The following SHANK2 variants were observed in gnomAD, a reference collection of about 807,000 sequenced individuals.
SHANK2 encodes the protein SH3 and multiple ankyrin repeat domains protein 2.
A neutral mutation model predicts 133.7 loss-of-function variants in SHANK2; 43 were observed. That is an observed-to-expected ratio of 0.32 (90% CI 0.25 to 0.41). The LOEUF (loss-of-function observed/expected upper bound fraction) is 0.41. Among genes scored for constraint, SHANK2 ranks in the 10% least tolerant of loss-of-function variants. The pLI is 1.00. For missense variants in SHANK2, 1,994 were observed against 2,235.8 expected (o/e 0.89, Z 2.18); for synonymous variants, 1,017 against 952.8 (o/e 1.07, Z -1.24).
intron 1 of SHANK2, among the ~76,000 whole-genome samples, chr11:71,236,695 G>C (rs1440213836): frequency 6.6e-6 from 1 of 152,196 alleles, no homozygotes; most frequent in Non-Finnish European, 1.5e-5. Context: ...AGTTTTACTG[G>C]AATACAGCTG....
At chr11:71,155,623 C>T (rs1952893395) in intron 2 of SHANK2, among the ~76,000 whole-genome samples, 1 of 152,138 alleles carries the variant, frequency 6.6e-6, no homozygotes, top group Non-Finnish European at 1.5e-5. Context: ...TCTAGCACCA[C>T]CTCTTCCAGC....
chr11:71,197,794 T>C (rs1953937833), intron 2 of SHANK2, among the ~76,000 whole-genome samples: 1 of 152,324 alleles, frequency 6.6e-6, no homozygotes, highest in East Asian at 1.9e-4. Context: ...GGGACTACAC[T>C]GGCAGGCATT....
At chr11:71,230,251 C>T (rs1005997254) in intron 1 of SHANK2, among the ~76,000 whole-genome samples, 1 of 152,084 alleles carries the variant, frequency 6.6e-6, no homozygotes, top group Non-Finnish European at 1.5e-5. Flanking sequence ...GATGCCACTG[C>T]ACTCCAGCCT....
chr11:71,087,019 A>G (rs1204972234), intron 8 of SHANK2, among the ~76,000 whole-genome samples: 1 of 152,202 alleles, frequency 6.6e-6, no homozygotes, highest in Non-Finnish European at 1.5e-5. Flanking sequence ...ACCCTGCTCC[A>G]CATTTTCTAA....
chr11:70,953,968 T>C (rs1458687914), intron 10 of SHANK2, among the ~76,000 whole-genome samples: 2 of 152,186 alleles, frequency 1.3e-5, no homozygotes, highest in Non-Finnish European at 2.9e-5. Flanking sequence ...GAGCCGTGTG[T>C]GTATGTGTGT....
chr11:70,486,847 G>A lies in SHANK2; in HGVS notation c.3446C>T (p.Thr1149Met), dbSNP rs1324144512. The A allele has an allele frequency of 2.4e-5, 38 of 1,612,628 alleles. No homozygotes were observed. Among genetic ancestry groups the A allele is most frequent in the Non-Finnish European group, 3.1e-5 (37 of 1,179,940 alleles). ...EQLSSPMPSA[T>M]PREPENHFVG... ...GAAATGGTTTTCGGGCTCCCTGGGC[G>A]TGGCACTCGGCATGGGGGATGACAG... is the stretch of plus-strand genomic sequence containing the variant. Residue 1149 changes from threonine to methionine, a missense_variant, in exon 25 of 26, where the codon ACG (threonine) becomes ATG (methionine). Physicochemically the swap from Thr to Met is moderately conservative, Grantham distance 81 (BLOSUM62 -1). Transcript: ENST00000601538. This position sits in a 1 kb window ranked among gnomAD's most constrained non-coding sequence, Gnocchi z 8.0.
chr11:71,090,263 CTGTGTGTGTG>C (rs1165771011), intron 8 of SHANK2, among the ~76,000 whole-genome samples: 6 of 36,816 alleles, frequency 1.6e-4, no homozygotes, highest in Non-Finnish European at 1.5e-4. Context: ...AACACAACCT[CTGTGTGTGTG>C]TGTGTGTGTG....
intron 2 of SHANK2, among the ~76,000 whole-genome samples, chr11:71,206,762 C>T (rs1267915296): frequency 8.5e-5 from 13 of 152,054 alleles, no homozygotes; most frequent in Admixed American, 5.2e-4. Flanking sequence ...TAGCAAGACG[C>T]GGCAACTACA....
intron 17 of SHANK2, among the ~76,000 whole-genome samples, chr11:70,581,097 T>A (rs911812399): frequency 6.6e-6 from 1 of 152,210 alleles, no homozygotes; most frequent in African/African-American, 2.4e-5. Context: ...GGACCAAGAA[T>A]AGATTAAGGT....
At chr11:70,672,568 G>A (rs1237824749) in intron 15 of SHANK2, among the ~76,000 whole-genome samples, 2 of 152,238 alleles carry the variant, frequency 1.3e-5, no homozygotes, top group Non-Finnish European at 2.9e-5. Flanking sequence ...GTCTCCCCGA[G>A]CCAGGCTGCT....
intron 8 of SHANK2, among the ~76,000 whole-genome samples, chr11:71,079,052 C>A (rs1292097432): frequency 2.6e-5 from 4 of 152,238 alleles, no homozygotes; most frequent in Non-Finnish European, 5.9e-5. Context: ...ACCCAACAGA[C>A]CCCACCTGAC....
Position 71,184,854 on chromosome 11 carries a change from G to C in SHANK2, c.-12-37516C>G, listed in dbSNP as rs115191285. ...TGAATAAGACCAAGCTGTTGACTGG[G>C]CCTGCACTGCCCAGAGGCCACCACT... On this transcript the variant is annotated intron_variant, in intron 2 of 25. Coordinates refer to ENST00000601538, the MANE Select transcript of SHANK2 (RefSeq NM_012309.5). 6.9e-3 allele frequency among the ~76,000 whole-genome samples: 1,058 copies of C among 152,274 alleles called. 12 individuals are homozygous for C. Among genetic ancestry groups the C allele is most frequent in the African/African-American group, 0.024 (1,008 of 41,544 alleles).
intron 11 of SHANK2, among the ~76,000 whole-genome samples, chr11:70,838,095 T>C (rs1247291590): frequency 2.0e-5 from 3 of 151,026 alleles, no homozygotes; most frequent in Admixed American, 1.3e-4. Flanking sequence ...ACTTGTATGG[T>C]GTTTGCCTCA....
chr11:70,844,136 C>T (rs556438909), intron 11 of SHANK2, among the ~76,000 whole-genome samples: 1 of 152,288 alleles, frequency 6.6e-6, no homozygotes, highest in South Asian at 2.1e-4. Context: ...GCCTGGCTTC[C>T]CCACATCTCT....
At chr11:70,734,168 T>A (rs891166439) in intron 14 of SHANK2, among the ~76,000 whole-genome samples, 5 of 151,162 alleles carry the variant, frequency 3.3e-5, no homozygotes, top group Admixed American at 3.3e-4. Flanking sequence ...CGGGAGGGAG[T>A]GCCGGGCAGC....
At chr11:71,190,941 T>C (rs942053376) in intron 2 of SHANK2, among the ~76,000 whole-genome samples, 3 of 151,014 alleles carry the variant, frequency 2.0e-5, no homozygotes, top group Non-Finnish European at 3.0e-5. Flanking sequence ...ATGCATCCCT[T>C]TCTCCCATGC....
intron 2 of SHANK2, among the ~76,000 whole-genome samples, chr11:71,170,201 G>A (rs1953284372): frequency 6.6e-6 from 1 of 151,828 alleles, no homozygotes; most frequent in Non-Finnish European, 1.5e-5. Flanking sequence ...CATTTTCATA[G>A]ACATCCAAAT....
chr11:70,879,039 C>G (rs557383314), intron 11 of SHANK2, among the ~76,000 whole-genome samples: 1 of 152,332 alleles, frequency 6.6e-6, no homozygotes, highest in African/African-American at 2.4e-5. Context: ...CTGCCCCCAT[C>G]TTGGTGGACT....
chr11:71,069,811 C>T lies in SHANK2; in HGVS notation c.1029+5348G>A, dbSNP rs949785902. Among the ~76,000 whole-genome samples, 135 of 152,300 alleles carry T rather than the reference C, an allele frequency of 8.9e-4. 1 individual carries two copies. The East Asian group carries it at 0.025, about 28-fold the overall frequency. ...TGCCTCCTGACTCCTTTCCTTGAAT[C>T]CTGTCTTGATTCAAAGGCACCTCTG... On this transcript the variant is annotated intron_variant, in intron 9 of 25. Transcript: ENST00000601538.
Sources: allele counts gnomAD v4.1 joint callset (sites outside exome capture counted in the v4.1 genomes callset), GRCh38; gene constraint gnomAD v4.1.1; non-coding constraint Gnocchi (gnomAD v3.1); transcripts MANE v1.5; gene names NCBI Gene and HGNC (gene_info 2026-07-23, HGNC 2026-07-21).